The following GULP1 variants were observed in gnomAD, a reference collection of about 807,000 sequenced individuals.
GULP1 encodes the protein PTB domain-containing engulfment adapter protein 1.
A neutral mutation model predicts 40.9 loss-of-function variants in GULP1; 19 were observed. The ratio of observed to expected loss-of-function variants is 0.46; its 90% CI spans 0.32 to 0.68. The LOEUF (loss-of-function observed/expected upper bound fraction) is 0.68. Among genes scored for constraint, GULP1 ranks in the 30% least tolerant of loss-of-function variants. The pLI is 0.03. For synonymous variants in GULP1, 119 were observed against 117.6 expected (o/e 1.01, Z -0.08); for missense variants, 312 against 362.2 (o/e 0.86, Z 1.12).
chr2:188,376,997 G>A (rs1230093836), intron 1 of GULP1, among the ~76,000 whole-genome samples: 1 of 151,952 alleles, frequency 6.6e-6, no homozygotes, highest in Non-Finnish European at 1.5e-5. Context: ...CATAGTGAAA[G>A]CCCATCTCTA....
chr2:188,536,111 A>G (rs1331815098), intron 6 of GULP1, among the ~76,000 whole-genome samples: 1 of 152,018 alleles, frequency 6.6e-6, no homozygotes, highest in African/African-American at 2.4e-5. Flanking sequence ...TGTTGGATGC[A>G]TAGTTTGCAA....
At chr2:188,576,818 A>G (rs1700263182) in intron 9 of GULP1, among the ~76,000 whole-genome samples, 1 of 152,050 alleles carries the variant, frequency 6.6e-6, no homozygotes, top group Non-Finnish European at 1.5e-5. Flanking sequence ...GCTGTGTTTC[A>G]GTGGTTTGGC....
intron 1 of GULP1, among the ~76,000 whole-genome samples, chr2:188,325,371 T>A (rs2040602714): frequency 1.3e-5 from 2 of 152,024 alleles, no homozygotes; most frequent in South Asian, 4.1e-4. Flanking sequence ...CAAATAAAAT[T>A]TTGCTGTTGT....
In GULP1 at chr2:188,557,867, T is replaced by C. The variant is rs1576074064; in HGVS notation, c.400-11372T>C. Among the ~76,000 whole-genome samples the C allele has an allele frequency of 2.0e-5, 3 of 152,220 alleles. No individual in the cohort carries two copies. The East Asian group carries it at 5.8e-4, about 29-fold the overall frequency. ...CACCCTCTGAAGCAGTGACCTGTGC[T>C]GTACCTGGGCCTCTTTGAGCCATAG... On this transcript the variant is annotated intron_variant, in intron 7 of 11. Coordinates refer to ENST00000409830, the MANE Select transcript of GULP1 (RefSeq NM_016315.4).
chr2:188,503,512 G>C (rs2063624994), intron 4 of GULP1, among the ~76,000 whole-genome samples: 1 of 151,836 alleles, frequency 6.6e-6, no homozygotes, highest in South Asian at 2.1e-4. Flanking sequence ...TGCCCCCCGT[G>C]ATCCATCACC....
At chr2:188,442,760 A>T (rs928891919) in intron 2 of GULP1, among the ~76,000 whole-genome samples, 1 of 152,208 alleles carries the variant, frequency 6.6e-6, no homozygotes, top group Non-Finnish European at 1.5e-5. Context: ...ATATCTTATG[A>T]TATGACACAG....
chr2:188,346,380 A>C (rs1265739036), intron 1 of GULP1, among the ~76,000 whole-genome samples: 1 of 152,242 alleles, frequency 6.6e-6, no homozygotes, highest in Admixed American at 6.5e-5. Flanking sequence ...AGTGGCTTCT[A>C]GACTTAAGTG....
intron 4 of GULP1, among the ~76,000 whole-genome samples, chr2:188,496,254 AT>A (rs1477517914): frequency 6.6e-6 from 1 of 151,994 alleles, no homozygotes; most frequent in Non-Finnish European, 1.5e-5. Flanking sequence ...ATAATCCTAA[AT>A]AATTAAAACT....
intron 1 of GULP1, among the ~76,000 whole-genome samples, chr2:188,314,140 T>C (rs1333707154): frequency 1.3e-5 from 2 of 152,010 alleles, no homozygotes; most frequent in Non-Finnish European, 2.9e-5. Flanking sequence ...TTGAATTTTC[T>C]ATATTTTCTA....
chr2:188,447,676 G>A (rs1279772907), intron 2 of GULP1, among the ~76,000 whole-genome samples: 2 of 152,144 alleles, frequency 1.3e-5, no homozygotes, highest in Non-Finnish European at 2.9e-5. Context: ...ATTATTTTGA[G>A]AAATAAATGA....
intron 2 of GULP1, among the ~76,000 whole-genome samples, chr2:188,426,363 C>T (rs111647616): frequency 2.5e-4 from 38 of 152,194 alleles, no homozygotes; most frequent in African/African-American, 7.7e-4. Flanking sequence ...ATAGAGCAGG[C>T]TTCAGAGAGA....
At chr2:188,332,489 C>T (rs1309667301) in intron 1 of GULP1, among the ~76,000 whole-genome samples, 1 of 152,084 alleles carries the variant, frequency 6.6e-6, no homozygotes, top group African/African-American at 2.4e-5. Context: ...TGCCAAATCT[C>T]ATTTATTCTT....
intron 9 of GULP1, among the ~76,000 whole-genome samples, chr2:188,576,174 G>C (rs992457097): frequency 6.6e-6 from 1 of 151,980 alleles, no homozygotes. Context: ...GCCAATTGGA[G>C]ATGCTTATTC....
intron 7 of GULP1, among the ~76,000 whole-genome samples, chr2:188,546,201 C>T (rs1009735072): frequency 1.2e-4 from 18 of 151,928 alleles, no homozygotes; most frequent in African/African-American, 4.3e-4. Context: ...TATAGAATTA[C>T]TCAACATCAT....
At chr2:188,334,226 G>A (rs1318850548) in intron 1 of GULP1, among the ~76,000 whole-genome samples, 1 of 152,154 alleles carries the variant, frequency 6.6e-6, no homozygotes, top group East Asian at 1.9e-4. Flanking sequence ...AATTAATAAC[G>A]TTGGTAAGCA....
intron 1 of GULP1, among the ~76,000 whole-genome samples, chr2:188,355,511 T>G (rs1376815863): frequency 6.6e-6 from 1 of 151,820 alleles, no homozygotes; most frequent in Non-Finnish European, 1.5e-5. Flanking sequence ...AGACCAATAA[T>G]GATGTGATTA....
At chr2:188,310,157 C>T (rs1389384872) in intron 1 of GULP1, among the ~76,000 whole-genome samples, 3 of 152,112 alleles carry the variant, frequency 2.0e-5, no homozygotes, top group Admixed American at 1.3e-4. Context: ...AGTTCTGTAG[C>T]TGTGGACTCT....
intron 2 of GULP1, among the ~76,000 whole-genome samples, chr2:188,469,970 T>C (rs1017998313): frequency 2.6e-5 from 4 of 152,194 alleles, no homozygotes; most frequent in African/African-American, 9.6e-5. Context: ...AGTACTGTGT[T>C]GAGGATTTTT....
intron 1 of GULP1, among the ~76,000 whole-genome samples, chr2:188,339,239 A>T (rs1341196354): frequency 6.6e-6 from 1 of 152,216 alleles, no homozygotes; most frequent in Non-Finnish European, 1.5e-5. Flanking sequence ...TTGACTTGAA[A>T]TGTCTTTGTG....
Sources: gnomAD v4.1 joint callset for allele counts (sites outside exome capture counted in the v4.1 genomes callset) on GRCh38, gnomAD v4.1.1 for gene constraint, MANE v1.5 for transcripts, NCBI Gene and HGNC (gene_info 2026-07-23, HGNC 2026-07-21) for gene names.